The following GTF2IRD2 variants were observed in gnomAD, a reference collection of about 807,000 sequenced individuals.
GTF2IRD2 encodes the protein GTF2I repeat domain containing 2.
Under a neutral mutation model 49.2 loss-of-function variants are expected in GTF2IRD2, and 8 were observed. That is an observed-to-expected ratio of 0.16 (90% CI 0.10 to 0.29). The LOEUF is 0.29. Among genes scored for constraint, GTF2IRD2 ranks in the 10% least tolerant of loss-of-function variants. GTF2IRD2 has a pLI of 1.00. For synonymous variants in GTF2IRD2, 47 were observed against 289.7 expected (o/e 0.16, Z 8.51); for missense variants, 130 against 725.7 (o/e 0.18, Z 9.43).
intron 11 of GTF2IRD2, among the ~76,000 whole-genome samples, chr7:74,807,348 G>C (rs1332562534): frequency 1.1e-5 from 1 of 90,238 alleles, no homozygotes; most frequent in Non-Finnish European, 2.3e-5. Flanking sequence ...TGCGATCTCG[G>C]CTCACTGCAA....
At chr7:74,798,523 T>C (rs587621613) in intron 15 of GTF2IRD2, among the ~76,000 whole-genome samples, 1 of 151,766 alleles carries the variant, frequency 6.6e-6, no homozygotes, top group Non-Finnish European at 1.5e-5. Context: ...TTGTCGTTGT[T>C]GTTGAGACGG....
At chr7:74,813,771 G>A (rs1435169504) in intron 8 of GTF2IRD2, among the ~76,000 whole-genome samples, 8 of 138,120 alleles carry the variant, frequency 5.8e-5, no homozygotes, top group African/African-American at 1.8e-4. Flanking sequence ...AGGCCGGGCC[G>A]GTCTCAAACT....
intron 3 of GTF2IRD2, among the ~76,000 whole-genome samples, chr7:74,831,490 C>T (rs1799852372): frequency 7.1e-6 from 1 of 141,696 alleles, no homozygotes; most frequent in Non-Finnish European, 1.5e-5. Flanking sequence ...CATAGAGACC[C>T]CTCTCTCTGT....
intron 9 of GTF2IRD2, among the ~76,000 whole-genome samples, 188 bp from the exon 10 acceptor site, chr7:74,811,140 G>A (rs1301570974): frequency 1.6e-5 from 2 of 123,022 alleles, no homozygotes; most frequent in Admixed American, 9.1e-5. Flanking sequence ...AGGTGGAGGC[G>A]GGCAGATCAC....
chr7:74,840,012 G>C, intron 1 of GTF2IRD2, among the ~76,000 whole-genome samples: 1 of 148,248 alleles, frequency 6.7e-6, no homozygotes, highest in Non-Finnish European at 1.5e-5. Context: ...AACAAAAAAA[G>C]GGAGATGCCA....
At chr7:74,826,283 A>AGAGT (rs1168117319) in intron 3 of GTF2IRD2, among the ~76,000 whole-genome samples, 6 of 151,590 alleles carry the variant, frequency 4.0e-5, no homozygotes, top group Middle Eastern at 3.4e-3. Flanking sequence ...GTTTTGAGAC[A>AGAGT]GAGTCTCACT....
At position 74,797,035 on chromosome 7, in the gene GTF2IRD2, AT is replaced by A; in HGVS notation, c.2476del (p.Ile826SerfsTer22). On this transcript the variant is annotated frameshift_variant, in exon 16 of 16. Transcript: ENST00000451013. LOFTEE classifies it high-confidence loss of function. ...ESDGLNYIPKIAELQTEFQKR... is the reference protein window; with the variant it reads ...ESDGLNYIPKXAELQTEFQKR... ...CTGGAATTCGGTCTGGAGTTCCGCG[AT>A]TTTGGGAATGTAGTTCAGGCCATCG... 2 of 786,600 alleles carry A rather than the reference AT, an allele frequency of 2.5e-6. No homozygotes were observed. The highest frequency in any genetic ancestry group is 4.2e-6 in the Non-Finnish European group (2 of 481,410). 48.7% of individuals were successfully genotyped at this position (786,600 alleles called of 1,614,324 possible).
Position 74,822,447 on chromosome 7 carries a change from A to C in GTF2IRD2, c.551T>G (p.Leu184Arg). The C allele has an allele frequency of 1.2e-6, 1 of 864,704 alleles. No homozygotes were observed. The highest frequency in any genetic ancestry group is 1.8e-6 in the Non-Finnish European group (1 of 546,944). 53.6% of individuals were successfully genotyped at this position (864,704 alleles called of 1,614,324 possible). A position where few individuals can be genotyped will look rare whatever the true frequency, so the allele number is the denominator to read the frequency against. ...GISFIINRPF[L>R]GPESQLGGPG... ...CTTACCCAGCTGACTCTCTGGTCCT[A>C]GGAAGGGTCTGCAAGAAAAGCAACA... Residue 184 changes from leucine (L) to arginine (R), a missense_variant, in exon 6 of 16, where the codon CTA becomes CGA. Physicochemically the swap from Leu to Arg is moderately radical, Grantham distance 102. Transcript: ENST00000451013.
At chr7:74,829,951 A>T (rs782089907) in intron 3 of GTF2IRD2, among the ~76,000 whole-genome samples, 4 of 150,378 alleles carry the variant, frequency 2.7e-5, no homozygotes, top group Non-Finnish European at 5.9e-5. Context: ...AATCTTGAAG[A>T]AGAGCAAATT....
chr7:74,833,142 TC>T (rs1327301470), intron 2 of GTF2IRD2, among the ~76,000 whole-genome samples, 199 bp from the exon 3 acceptor site: 5 of 68,024 alleles, frequency 7.4e-5, no homozygotes, highest in Non-Finnish European at 1.1e-4. Flanking sequence ...AAGCTCCGCC[TC>T]CCGGGTTCAT....
In GTF2IRD2 at chr7:74,831,543, A is replaced by C. The variant is rs868917095; in HGVS notation, c.238+1262T>G. On this transcript the variant is annotated intron_variant, in intron 3 of 15. Coordinates refer to ENST00000451013, the MANE Select transcript of GTF2IRD2 (RefSeq NM_173537.5). ...CACACACACACACACACACACACAC[A>C]CCCTTATACCCTCTGACGAACCTTT... is the stretch of plus-strand genomic sequence containing the variant. Among the ~76,000 whole-genome samples the C allele has an allele frequency of 3.8e-3, 538 of 140,890 alleles. 2 individuals carry two copies. Among genetic ancestry groups the C allele is most frequent in the Middle Eastern group, 7.6e-3 (2 of 264 alleles). 92.4% of individuals were successfully genotyped at this position (140,890 alleles called of 152,430 possible). A position where few individuals can be genotyped will look rare whatever the true frequency, so the allele number is the denominator to read the frequency against.
At chr7:74,829,887 C>CAAAA (rs1554420189) in intron 3 of GTF2IRD2, among the ~76,000 whole-genome samples, 6 of 59,848 alleles carry the variant, frequency 1.0e-4, no homozygotes, top group Admixed American at 2.1e-4. Context: ...GATTCTGTCT[C>CAAAA]AAAAAAAAAA....
intron 2 of GTF2IRD2, among the ~76,000 whole-genome samples, 195 bp from the exon 3 acceptor site, chr7:74,833,138 C>T (rs1269034690): frequency 3.3e-5 from 2 of 60,872 alleles, no homozygotes; most frequent in Admixed American, 2.1e-4. Flanking sequence ...CTGCAAGCTC[C>T]GCCTCCCGGG....
intron 3 of GTF2IRD2, among the ~76,000 whole-genome samples, chr7:74,826,748 G>T: frequency 1.2e-5 from 1 of 82,268 alleles, no homozygotes; most frequent in African/African-American, 5.0e-5. Flanking sequence ...GTCTTACTCT[G>T]TTGCCTAAGC....
intron 3 of GTF2IRD2, among the ~76,000 whole-genome samples, chr7:74,826,835 C>T (rs1395310269): frequency 6.2e-5 from 9 of 145,420 alleles, no homozygotes; most frequent in Middle Eastern, 7.2e-3. Context: ...CCTCAGCCAC[C>T]TGAGTAGCTG....
chr7:74,842,829 C>T lies in GTF2IRD2; in HGVS notation c.-5-6446G>A, dbSNP rs1349497164. Among the ~76,000 whole-genome samples, 8 of 145,298 alleles carry T rather than the reference C, an allele frequency of 5.5e-5. 2 individuals are homozygous for T. The highest frequency in any genetic ancestry group is 2.1e-4 in the African/African-American group (8 of 37,494). On this transcript the variant is annotated intron_variant, in intron 1 of 15. Coordinates refer to ENST00000451013, the MANE Select transcript of GTF2IRD2 (RefSeq NM_173537.5). ...TCAGCCTCCCAGAGTGTTGGGATTA[C>T]AGGCATGAGCCTCCGTGTACAGCCT...
intron 15 of GTF2IRD2, among the ~76,000 whole-genome samples, chr7:74,799,921 CA>C (rs1160840166): frequency 8.6e-4 from 12 of 13,954 alleles, no homozygotes; most frequent in South Asian, 2.7e-3. Context: ...CCTGTCTCTA[CA>C]AAAAAAAAAA....
chr7:74,840,563 TC>T (rs1351456345), intron 1 of GTF2IRD2, among the ~76,000 whole-genome samples: 1 of 117,756 alleles, frequency 8.5e-6, no homozygotes, highest in Non-Finnish European at 1.7e-5. Context: ...CGAGGTTCCT[TC>T]CTGGGACAGT....
intron 3 of GTF2IRD2, among the ~76,000 whole-genome samples, chr7:74,825,985 T>C (rs1799353720): frequency 6.6e-6 from 1 of 151,056 alleles, no homozygotes; most frequent in Admixed American, 6.6e-5. Flanking sequence ...TATTTTTTAG[T>C]AGAGATGGCC....
Sources: allele counts gnomAD v4.1 joint callset (sites outside exome capture counted in the v4.1 genomes callset), GRCh38; gene constraint gnomAD v4.1.1; transcripts MANE v1.5; gene names NCBI Gene and HGNC (gene_info 2026-07-23, HGNC 2026-07-21).